The following PALLD variants were observed in gnomAD, a reference collection of about 807,000 sequenced individuals.
PALLD encodes palladin.
PALLD carries 61 observed loss-of-function variants against 123.5 expected under a neutral mutation model. That is an observed-to-expected ratio of 0.49 (90% CI 0.40 to 0.61). The LOEUF is 0.61. PALLD is among the 20% of genes least tolerant of loss of function. PALLD has a pLI of 0.00. For missense variants in PALLD, 1,273 were observed against 1,377.0 expected (o/e 0.92, Z 1.20); for synonymous variants, 465 against 496.4 (o/e 0.94, Z 0.84).
intron 2 of PALLD, among the ~76,000 whole-genome samples, chr4:168,544,375 T>C (rs1765939241): frequency 6.6e-6 from 1 of 152,264 alleles, no homozygotes; most frequent in South Asian, 2.1e-4. Flanking sequence ...TTGAGTAGTA[T>C]AATATTGCAG....
At chr4:168,648,553 T>A (rs1303657044) in intron 2 of PALLD, 1 of 152,200 alleles carries the variant, frequency 6.6e-6, no homozygotes, top group Admixed American at 6.5e-5. Context: ...TTGGGGAGCC[T>A]CTTTTGAGAT....
At chr4:168,758,638 T>A (rs1207782255) in intron 10 of PALLD, among the ~76,000 whole-genome samples, 1 of 152,142 alleles carries the variant, frequency 6.6e-6, no homozygotes, top group Admixed American at 6.5e-5. Context: ...TAAACCCAGC[T>A]TTTTTGAGGT....
intron 8 of PALLD, among the ~76,000 whole-genome samples, chr4:168,704,979 T>C (rs943045129): frequency 2.0e-5 from 3 of 152,172 alleles, no homozygotes; most frequent in African/African-American, 7.2e-5. Flanking sequence ...AATAAACTTT[T>C]AATTTTTAAT....
At chr4:168,913,865 G>C in intron 15 of PALLD, 62 bp from the exon 16 acceptor site, 11 of 1,071,248 alleles carry the variant, frequency 1.0e-5, no homozygotes, top group Non-Finnish European at 1.6e-5. Flanking sequence ...CAGTAGGCAT[G>C]ATAGTGCTTA....
At chr4:168,507,800 G>A (rs1027343578) in intron 1 of PALLD, 6 of 176,692 alleles carry the variant, frequency 3.4e-5, no homozygotes, top group Non-Finnish European at 7.3e-5. Context: ...GGCCCTCTCT[G>A]ACCTAACTCC....
intron 10 of PALLD, chr4:168,877,682 C>A: frequency 9.8e-7 from 1 of 1,025,288 alleles, no homozygotes; most frequent in Non-Finnish European, 1.2e-6. Context: ...CGTTCCTGGC[C>A]GTTCCATCTC....
At chr4:168,565,626 G>A (rs1768294997) in intron 2 of PALLD, among the ~76,000 whole-genome samples, 1 of 152,080 alleles carries the variant, frequency 6.6e-6, no homozygotes, top group Non-Finnish European at 1.5e-5. Flanking sequence ...AAAGCCAGGA[G>A]GTCCTCCAGC....
intron 2 of PALLD, among the ~76,000 whole-genome samples, chr4:168,660,350 C>G (rs1020229565): frequency 2.6e-5 from 4 of 152,214 alleles, no homozygotes; most frequent in African/African-American, 9.6e-5. Context: ...GATGCAGCCA[C>G]TCTCCTTTAA....
At chr4:168,561,592 A>G (rs551088944) in intron 2 of PALLD, among the ~76,000 whole-genome samples, 1 of 152,346 alleles carries the variant, frequency 6.6e-6, no homozygotes, top group East Asian at 1.9e-4. Flanking sequence ...ACCAACTTTC[A>G]AAAATCCTTT....
At chr4:168,726,968 C>T (rs762874174) in intron 10 of PALLD, among the ~76,000 whole-genome samples, 2 of 152,180 alleles carry the variant, frequency 1.3e-5, no homozygotes, top group Non-Finnish European at 2.9e-5. Flanking sequence ...CTTGTGAGAA[C>T]ATGCAGTATT....
intron 2 of PALLD, among the ~76,000 whole-genome samples, chr4:168,646,336 A>G (rs1463392935): frequency 1.3e-5 from 2 of 152,178 alleles, no homozygotes; most frequent in East Asian, 3.9e-4. Context: ...ACTAGTGCAG[A>G]TGACTTCGGG....
chr4:168,674,097 TAA>T (rs1780591663), intron 3 of PALLD, among the ~76,000 whole-genome samples: 2 of 152,092 alleles, frequency 1.3e-5, no homozygotes, highest in African/African-American at 4.8e-5. Context: ...GTATTTTTAG[TAA>T]AGATGGGGTT....
At chr4:168,785,846 G>GATATATATATATATATATAGATATAT (rs1736651741) in intron 10 of PALLD, among the ~76,000 whole-genome samples, 2 of 80,896 alleles carry the variant, frequency 2.5e-5, no homozygotes, top group Non-Finnish European at 5.6e-5. Context: ...AAACTGTAGA[G>GATATATATATATATATATAGATATAT]ATATATATAT....
intron 15 of PALLD, 40 bp downstream of exon 15, chr4:168,903,946 G>A: frequency 1.3e-6 from 2 of 1,560,688 alleles, no homozygotes; most frequent in Non-Finnish European, 1.8e-6. Flanking sequence ...TCTGTGTCTA[G>A]TGCTTACAGG....
At chr4:168,696,377 G>A (rs149551329) in intron 8 of PALLD, among the ~76,000 whole-genome samples, 143 of 152,172 alleles carry the variant, frequency 9.4e-4, no homozygotes, top group African/African-American at 3.3e-3. Context: ...CAAAGATAAT[G>A]ATTTGGGAGT....
chr4:168,888,411 T>C (rs989870481), intron 10 of PALLD, among the ~76,000 whole-genome samples: 2 of 152,164 alleles, frequency 1.3e-5, no homozygotes, highest in African/African-American at 4.8e-5. Flanking sequence ...AGTTCCATGG[T>C]AGGTTAAGAC....
intron 2 of PALLD, among the ~76,000 whole-genome samples, chr4:168,539,885 G>A (rs561667601): frequency 6.6e-6 from 1 of 152,154 alleles, no homozygotes; most frequent in East Asian, 1.9e-4. Flanking sequence ...TGGTGCTGAG[G>A]CTTGGGGTAC....
intron 2 of PALLD, among the ~76,000 whole-genome samples, chr4:168,631,440 T>TC (rs1394617423): frequency 2.0e-5 from 3 of 151,986 alleles, no homozygotes; most frequent in African/African-American, 4.8e-5. Context: ...TTCTTACAAT[T>TC]CCCCCCGCCC....
chr4:168,561,145 T>A (rs1218534527), intron 2 of PALLD, among the ~76,000 whole-genome samples: 1 of 152,128 alleles, frequency 6.6e-6, no homozygotes, highest in African/African-American at 2.4e-5. Flanking sequence ...CTGGATGCAG[T>A]CAAGGATAAG....
Sources: allele counts gnomAD v4.1 joint callset (sites outside exome capture counted in the v4.1 genomes callset), GRCh38; gene constraint gnomAD v4.1.1; transcripts MANE v1.5; gene names NCBI Gene and HGNC (gene_info 2026-07-23, HGNC 2026-07-21).